TENM1: variants seen among roughly 807,000 people sequenced by gnomAD.
TENM1 encodes teneurin-1.
A neutral mutation model predicts 174.8 loss-of-function variants in TENM1; 35 were observed. The observed-to-expected ratio is 0.20, with a 90% CI of 0.15 to 0.27. The LOEUF (loss-of-function observed/expected upper bound fraction) is 0.27. Among genes scored for constraint, TENM1 ranks in the 10% least tolerant of loss-of-function variants. TENM1 has a pLI of 1.00. For synonymous variants in TENM1, 781 were observed against 798.7 expected, an observed-to-expected ratio of 0.98 and a Z score of 0.37; for missense variants, 1,633 against 2,130.1, an observed-to-expected ratio of 0.77 and a Z score of 4.59.
At chrX:125,050,185 A>C in the TENM1 span, among the ~76,000 whole-genome samples, 2 of 107,157 alleles carry the variant, frequency 1.9e-5, no homozygotes, top group African/African-American at 7.1e-5. Flanking sequence ...TTATACTTCA[A>C]GTTTTAGGGT....
chrX:125,095,233 A>C, the TENM1 span, among the ~76,000 whole-genome samples: 1 of 111,996 alleles, frequency 8.9e-6, no homozygotes, highest in Admixed American at 9.5e-5. Context: ...TCTGATATTG[A>C]AAAGTAGATT....
At chrX:124,376,650 G>T (rs763174329) in exon 32 of TENM1, 1 of 112,230 alleles carries the variant, frequency 8.9e-6, no homozygotes, top group Admixed American at 9.4e-5. Context: ...GCTTTCACAT[G>T]AAGGACACAC....
chrX:124,516,935 T>C (rs1374181042), intron 18 of TENM1, among the ~76,000 whole-genome samples: 1 of 112,022 alleles, frequency 8.9e-6, no homozygotes, highest in Non-Finnish European at 1.9e-5. Flanking sequence ...AAAAAAGATG[T>C]GGTACTTATA....
At chrX:125,204,028 G>T in the TENM1 span, 2 of 113,695 alleles carry the variant, frequency 1.8e-5, no homozygotes, top group African/African-American at 3.2e-5. Context: ...GGCGGCCGCC[G>T]GAGGCAGGAA....
At chrX:125,064,257 T>A in the TENM1 span, among the ~76,000 whole-genome samples, 1 of 110,588 alleles carries the variant, frequency 9.0e-6, no homozygotes, top group Non-Finnish European at 1.9e-5. Flanking sequence ...CATGTATACA[T>A]ATGTAACTAA....
Position 124,390,580 on chromosome X carries a change from C to T in TENM1, c.5688+1472G>A, listed in dbSNP as rs186014787. ...ATCCTACGTATGCTTCTAAGGAGTG[C>T]TGGCTACTTAACTAGTCACATGGGG... On this transcript the variant is annotated intron_variant, in intron 28 of 31. Coordinates refer to ENST00000422452, the Ensembl canonical transcript of TENM1. Among the ~76,000 whole-genome samples, 553 of 112,172 alleles carry T rather than the reference C, an allele frequency of 4.9e-3. 7 individuals carry two copies. Among genetic ancestry groups the T allele is most frequent in the African/African-American group, 0.016 (488 of 30,891 alleles).
At chrX:125,100,765 C>T in the TENM1 span, among the ~76,000 whole-genome samples, 1 of 110,645 alleles carries the variant, frequency 9.0e-6, no homozygotes, top group South Asian at 3.8e-4. Flanking sequence ...ATGTTTTTCC[C>T]CTCCTTCTCC....
intron 6 of TENM1, among the ~76,000 whole-genome samples, chrX:124,670,666 C>A (rs7878566): frequency 0.036 from 3,984 of 111,107 alleles, 167 homozygotes; most frequent in African/African-American, 0.12. Flanking sequence ...TTCAAAAGCA[C>A]ACAAAAACAA....
the TENM1 span, among the ~76,000 whole-genome samples, chrX:125,069,323 G>A: frequency 9.0e-6 from 1 of 111,682 alleles, no homozygotes; most frequent in South Asian, 3.7e-4. Context: ...TGCTACAAAG[G>A]ACATGATTTC....
chrX:124,668,054 G>C, intron 6 of TENM1, among the ~76,000 whole-genome samples: 1 of 111,752 alleles, frequency 8.9e-6, no homozygotes, highest in Non-Finnish European at 1.9e-5. Flanking sequence ...CTGCATAAAT[G>C]TCTTCTTTTG....
chrX:124,902,125 G>A (rs974715274), intron 1 of TENM1, among the ~76,000 whole-genome samples: 6 of 112,001 alleles, frequency 5.4e-5, no homozygotes, highest in African/African-American at 1.9e-4. Flanking sequence ...AAATCTCTAC[G>A]TAACTGCCTT....
chrX:124,777,094 C>T, intron 3 of TENM1, among the ~76,000 whole-genome samples: 1 of 110,106 alleles, frequency 9.1e-6, no homozygotes, highest in Admixed American at 9.7e-5. Context: ...TCTCATGTTT[C>T]CTCCCAGTAT....
chrX:125,029,146 TG>T, the TENM1 span, among the ~76,000 whole-genome samples: 4 of 112,062 alleles, frequency 3.6e-5, no homozygotes, highest in East Asian at 1.1e-3. Flanking sequence ...TGGCTGACAC[TG>T]ACCTTACAGG....
chrX:124,965,242 T>G (rs2058711763), upstream of TENM1, among the ~76,000 whole-genome samples: 1 of 110,917 alleles, frequency 9.0e-6, no homozygotes, highest in Admixed American at 9.6e-5. Flanking sequence ...CATGCCCGGC[T>G]AATTTTTTTT....
chrX:125,140,460 G>T, the TENM1 span, among the ~76,000 whole-genome samples: 2 of 111,737 alleles, frequency 1.8e-5, no homozygotes. Context: ...TGGATGAGTG[G>T]ATGAAAAGAG....
chrX:124,788,738 G>A (rs776386156), intron 3 of TENM1, among the ~76,000 whole-genome samples: 1 of 112,829 alleles, frequency 8.9e-6, no homozygotes, highest in South Asian at 3.7e-4. Flanking sequence ...ATAGTCTTGG[G>A]CAGCTCCGCC....
the TENM1 span, among the ~76,000 whole-genome samples, chrX:125,185,891 G>C: frequency 9.0e-6 from 1 of 111,706 alleles, no homozygotes; most frequent in Admixed American, 9.5e-5. Context: ...CTTTTTAAAA[G>C]GTCTACTTGA....
chrX:124,494,439 G>A (rs959920918), intron 20 of TENM1, among the ~76,000 whole-genome samples: 4 of 111,694 alleles, frequency 3.6e-5, no homozygotes, highest in Admixed American at 9.5e-5. Flanking sequence ...TTACCCAGGG[G>A]AAAGGAAACA....
chrX:125,184,226 A>G, the TENM1 span, among the ~76,000 whole-genome samples: 1 of 112,085 alleles, frequency 8.9e-6, no homozygotes, highest in South Asian at 3.7e-4. Context: ...ATTCATTCAC[A>G]TTAGCTTAGT....
Sources: allele counts gnomAD v4.1 joint callset (sites outside exome capture counted in the v4.1 genomes callset), GRCh38; gene constraint gnomAD v4.1.1; transcripts MANE v1.5; gene names NCBI Gene and HGNC (gene_info 2026-07-23, HGNC 2026-07-21).